Variants in LRP4 observed in about 807,000 individuals in gnomAD.
LRP4 encodes the protein low-density lipoprotein receptor-related protein 4.
In LRP4, 95 loss-of-function variants were observed where a neutral mutation model predicts 220.3. The ratio of observed to expected loss-of-function variants is 0.43; its 90% CI spans 0.37 to 0.51. The LOEUF (loss-of-function observed/expected upper bound fraction) is 0.51. LRP4 is among the 20% of genes least tolerant of loss of function. The pLI is 0.00. For missense variants in LRP4, 1,925 were observed against 2,567.0 expected (o/e 0.75, Z 5.40); for synonymous variants, 903 against 954.6 (o/e 0.95, Z 1.00).
intron 36 of LRP4, among the ~76,000 whole-genome samples, chr11:46,863,914 C>A (rs891816018): frequency 6.6e-6 from 1 of 152,022 alleles, no homozygotes; most frequent in African/African-American, 2.4e-5. Flanking sequence ...TGAAGAACAA[C>A]AGCAGCAAAC....
At chr11:46,908,454 C>A (rs1037154676) in intron 1 of LRP4, among the ~76,000 whole-genome samples, 1 of 152,158 alleles carries the variant, frequency 6.6e-6, no homozygotes, top group African/African-American at 2.4e-5. Context: ...GGACAATGAA[C>A]CACAGAAAGG....
In LRP4 at chr11:46,890,217, G is replaced by T; in HGVS notation, c.1915+60C>A. The T allele has an allele frequency of 1.9e-6, 3 of 1,604,256 alleles. No homozygotes were observed. The highest frequency in any genetic ancestry group is 1.7e-6 in the Non-Finnish European group (2 of 1,171,400). ...ACACAAAACCTCTACCAAGGCTCCTGGGGGGCAGGGACGGGGGCAGGAGGA... is the reference window on the plus strand; with the variant it reads ...ACACAAAACCTCTACCAAGGCTCCTTGGGGGCAGGGACGGGGGCAGGAGGA... On this transcript the variant is annotated intron_variant, in intron 14 of 37. Coordinates refer to ENST00000378623, the MANE Select transcript of LRP4 (RefSeq NM_002334.4). The surrounding 1 kb of genome is among the most constrained non-coding windows in gnomAD (Gnocchi z 5.3).
chr11:46,896,460 G>T, intron 8 of LRP4, 125 bp from the exon 9 acceptor site: 1 of 1,212,030 alleles, frequency 8.3e-7, no homozygotes, highest in Non-Finnish European at 1.2e-6. Context: ...GAGGGTCCTG[G>T]GCAGGAAGCA....
chr11:46,863,210 C>A (rs769449076), intron 36 of LRP4, among the ~76,000 whole-genome samples: 2 of 152,156 alleles, frequency 1.3e-5, no homozygotes, highest in African/African-American at 2.4e-5. Context: ...GTAACCCCAG[C>A]TGATATCTGG....
intron 19 of LRP4, among the ~76,000 whole-genome samples, chr11:46,882,117 GC>G (rs1199799392): frequency 8.5e-5 from 13 of 152,266 alleles, no homozygotes; most frequent in African/African-American, 2.9e-4. Flanking sequence ...TAAAAGCAGA[GC>G]CCACAGCTTA....
chr11:46,904,076 C>T (rs545936836), intron 1 of LRP4, among the ~76,000 whole-genome samples: 2 of 152,216 alleles, frequency 1.3e-5, no homozygotes, highest in Non-Finnish European at 2.9e-5. Flanking sequence ...ACTCTCCCCC[C>T]TCCCAGCATT....
At chr11:46,868,851 TA>T in intron 32 of LRP4, 136 bp downstream of exon 32, 2 of 1,338,450 alleles carry the variant, frequency 1.5e-6, no homozygotes, top group East Asian at 2.3e-5. Flanking sequence ...CGCGAGGGAG[TA>T]AAAAGTTCTA....
rs923236250 is a variant in LRP4, at chr11:46,858,937, C to T, written c.*46G>A. ...GTAAGCGAGCACAAGGACTAGACGT[C>T]CATAAAGGAGAAGGAACAGGCAGGC... On this transcript the variant is annotated 3_prime_UTR_variant, in exon 38 of 38. Transcript: ENST00000378623. 4.4e-6 allele frequency: 7 copies of T among 1,574,538 alleles called. No individual in the cohort carries two copies. Among genetic ancestry groups the T allele is most frequent in the Non-Finnish European group, 5.2e-6 (6 of 1,145,724 alleles).
chr11:46,884,071 G>A, intron 18 of LRP4, 95 bp from the exon 19 acceptor site: 1 of 917,824 alleles, frequency 1.1e-6, no homozygotes, highest in South Asian at 1.3e-5. Flanking sequence ...CGCCAGCAGA[G>A]CACAGAGTAG....
intron 28 of LRP4, 107 bp downstream of exon 28, chr11:46,874,693 A>T: frequency 1.1e-6 from 1 of 930,958 alleles, no homozygotes; most frequent in Non-Finnish European, 1.7e-6. Context: ...AAAACTCACT[A>T]TCCAAAGTGC....
At chr11:46,904,547 C>T (rs531598754) in intron 1 of LRP4, among the ~76,000 whole-genome samples, 65 of 152,092 alleles carry the variant, frequency 4.3e-4, no homozygotes, top group Non-Finnish European at 6.5e-4. Context: ...CTTTTGGGTT[C>T]TGTGAATCCC....
intron 1 of LRP4, among the ~76,000 whole-genome samples, chr11:46,908,820 A>T (rs910129973): frequency 6.6e-6 from 1 of 152,242 alleles, no homozygotes; most frequent in African/African-American, 2.4e-5. Flanking sequence ...AGGGCTTCCC[A>T]TAACAAATAA....
At chr11:46,894,891 C>T in intron 11 of LRP4, 72 bp from the exon 12 acceptor site, 1 of 1,342,078 alleles carries the variant, frequency 7.5e-7, no homozygotes, top group Admixed American at 1.8e-5. Flanking sequence ...AGCAGGTCTT[C>T]AGCTGACCGA....
intron 12 of LRP4, among the ~76,000 whole-genome samples, chr11:46,893,978 A>G (rs976134406): frequency 3.5e-5 from 5 of 144,704 alleles, no homozygotes; most frequent in Admixed American, 2.8e-4. Context: ...CGCAACCTCC[A>G]CTTCCTGAGT....
At chr11:46,917,633 A>G (rs1443626325) in intron 1 of LRP4, among the ~76,000 whole-genome samples, 2 of 152,088 alleles carry the variant, frequency 1.3e-5, no homozygotes, top group Non-Finnish European at 2.9e-5. Flanking sequence ...GCCTTCCAGC[A>G]GTTTCTTCCC....
At chr11:46,916,755 T>C (rs1311189753) in intron 1 of LRP4, among the ~76,000 whole-genome samples, 1 of 152,108 alleles carries the variant, frequency 6.6e-6, no homozygotes, top group Non-Finnish European at 1.5e-5. Context: ...TTTCAAAACT[T>C]CCTCCAGGGG....
At chr11:46,900,400 GA>G (rs771106800) in intron 2 of LRP4, 22 bp from the exon 3 acceptor site, 4 of 1,464,552 alleles carry the variant, frequency 2.7e-6, no homozygotes, top group African/African-American at 2.8e-5. Context: ...GAAAAGAAAA[GA>G]AAAGTCAATC....
chr11:46,917,268 C>T (rs1941960131), intron 1 of LRP4, among the ~76,000 whole-genome samples: 1 of 152,218 alleles, frequency 6.6e-6, no homozygotes, highest in Non-Finnish European at 1.5e-5. Context: ...GCCCCAGCTC[C>T]CTTCATCGGG....
chr11:46,876,401 ACC>A, intron 25 of LRP4, 63 bp downstream of exon 25: 1 of 1,595,678 alleles, frequency 6.3e-7, no homozygotes, highest in Non-Finnish European at 8.6e-7. Flanking sequence ...ACCCACCTTT[ACC>A]CCGTCATAAC....
Sources: allele counts gnomAD v4.1 joint callset (sites outside exome capture counted in the v4.1 genomes callset), GRCh38; gene constraint gnomAD v4.1.1; non-coding constraint Gnocchi (gnomAD v3.1); transcripts MANE v1.5; gene names NCBI Gene and HGNC (gene_info 2026-07-23, HGNC 2026-07-21).